PCDHGA8: variants seen among roughly 807,000 people sequenced by gnomAD.
PCDHGA8 encodes the protein protocadherin gamma subfamily A, 8.
A neutral mutation model predicts 59.2 loss-of-function variants in PCDHGA8; 45 were observed. The ratio of observed to expected loss-of-function variants is 0.76; its 90% CI spans 0.60 to 0.98. The LOEUF (loss-of-function observed/expected upper bound fraction) is 0.98, where lower values mean the gene tolerates loss of function less well. PCDHGA8 is among the 50% of genes least tolerant of loss of function. The pLI is 0.00. For missense variants in PCDHGA8, 1,257 were observed against 1,196.2 expected (o/e 1.05, Z -0.75); for synonymous variants, 531 against 519.0 (o/e 1.02, Z -0.32).
chr5:141,497,693 C>T (rs2099778709), intron 2 of PCDHGA8, among the ~76,000 whole-genome samples: 2 of 152,136 alleles, frequency 1.3e-5, no homozygotes, highest in Admixed American at 6.5e-5. Context: ...GTGTGCACCA[C>T]CACACCCAGC....
intron 1 of PCDHGA8, chr5:141,475,848 C>T (rs1562050268): frequency 4.4e-6 from 2 of 451,496 alleles, no homozygotes; most frequent in Non-Finnish European, 7.9e-6. Context: ...TCAGAGAGCC[C>T]GGCGCTAGCT....
chr5:141,422,853 C>T (rs746989617), intron 1 of PCDHGA8: 8 of 1,614,264 alleles, frequency 5.0e-6, no homozygotes, highest in South Asian at 3.3e-5. Flanking sequence ...GGGACCCGCC[C>T]CTCAGCAGCA....
At chr5:141,444,873 C>T (rs1298516499) in intron 1 of PCDHGA8, among the ~76,000 whole-genome samples, 1 of 152,080 alleles carries the variant, frequency 6.6e-6, no homozygotes, top group African/African-American at 2.4e-5. Flanking sequence ...CAGGACAAAG[C>T]TTGTAGGATT....
chr5:141,418,620 A>T lies in PCDHGA8; in HGVS notation c.2424+23383A>T, dbSNP rs762197476. 180 of 1,613,904 alleles carry T rather than the reference A, an allele frequency of 1.1e-4. No homozygotes were observed. The highest frequency in any genetic ancestry group is 1.5e-4 in the Non-Finnish European group (172 of 1,179,900). On this transcript the variant is annotated intron_variant, in intron 1 of 3. Coordinates refer to ENST00000398604, the MANE Select transcript of PCDHGA8 (RefSeq NM_032088.2). The stretch of plus-strand genomic sequence containing the variant: ...GTGTACAGGGTTAGCCTTCGGGAAG[A>T]CGTGCCTCCAGGCACCTCCATCCTG...
At chr5:141,446,502 A>G (rs1178198384) in intron 1 of PCDHGA8, among the ~76,000 whole-genome samples, 5 of 150,732 alleles carry the variant, frequency 3.3e-5, no homozygotes, top group Non-Finnish European at 7.4e-5. Context: ...TTTGAGATGG[A>G]GTCTCGCTCT....
intron 1 of PCDHGA8, chr5:141,408,389 G>T: frequency 6.2e-7 from 1 of 1,614,032 alleles, no homozygotes; most frequent in Non-Finnish European, 8.5e-7. Flanking sequence ...GGATGTGTCG[G>T]CTCGCAAGCT....
At position 141,476,669 on chromosome 5, in the gene PCDHGA8, C is replaced by G; in HGVS notation, c.2425-18138C>G. ...AAATGAATACTTTGCGCTTCGCGTGCAGACGCGGGAGGACAGCACCAAGTA... is the reference window on the plus strand; with the variant it reads ...AAATGAATACTTTGCGCTTCGCGTGGAGACGCGGGAGGACAGCACCAAGTA... On this transcript the variant is annotated intron_variant, in intron 1 of 3. Coordinates refer to ENST00000398604, the MANE Select transcript of PCDHGA8 (RefSeq NM_032088.2). This position sits in a 1 kb window ranked among gnomAD's most constrained non-coding sequence, Gnocchi z 7.6. 6.2e-7 allele frequency: 1 copy of G among 1,614,246 alleles called. No individual in the cohort carries two copies. The highest frequency in any genetic ancestry group is 1.1e-5 in the South Asian group (1 of 91,086).
intron 1 of PCDHGA8, among the ~76,000 whole-genome samples, chr5:141,488,463 C>T (rs926068842): frequency 6.6e-6 from 1 of 152,164 alleles, no homozygotes; most frequent in African/African-American, 2.4e-5. Flanking sequence ...GATTCAGCCC[C>T]AGAAATGTTC....
intron 1 of PCDHGA8, chr5:141,404,765 T>A: frequency 6.2e-7 from 1 of 1,613,120 alleles, no homozygotes; most frequent in Non-Finnish European, 8.5e-7. Context: ...TGCTTGGCTC[T>A]CCTACCGCCT....
intron 1 of PCDHGA8, chr5:141,408,100 G>A (rs1474827605): frequency 9.7e-6 from 14 of 1,438,178 alleles, no homozygotes; most frequent in African/African-American, 1.4e-5. Context: ...CCAGCTCCGA[G>A]ACCCGGGACT....
chr5:141,420,956 T>C lies in PCDHGA8; in HGVS notation c.2424+25719T>C, dbSNP rs17097281. 2.2e-3 allele frequency: 904 copies of C among 416,864 alleles called. 5 individuals carry two copies. The highest frequency in any genetic ancestry group is 0.016 in the African/African-American group (760 of 48,560). 25.8% of individuals were successfully genotyped at this position (416,864 alleles called of 1,614,324 possible). A position where few individuals can be genotyped will look rare whatever the true frequency, so the allele number is the denominator to read the frequency against. Reference sequence around the variant, plus strand: ...AATCATTTCTTCTGGAATTTCTTAGTCGTTGCAATAATAAGAATGGGCTCT... The same window carrying C: ...AATCATTTCTTCTGGAATTTCTTAGCCGTTGCAATAATAAGAATGGGCTCT... On this transcript the variant is annotated intron_variant, in intron 1 of 3. Coordinates refer to ENST00000398604, the MANE Select transcript of PCDHGA8 (RefSeq NM_032088.2).
At chr5:141,440,382 C>T (rs898655247) in intron 1 of PCDHGA8, 2 of 152,178 alleles carry the variant, frequency 1.3e-5, no homozygotes, top group Non-Finnish European at 2.9e-5. Context: ...AGGAGAATCG[C>T]TTGAACCCGA....
Position 141,393,628 on chromosome 5 carries a change from G to A in PCDHGA8, c.815G>A (p.Gly272Glu). 6.2e-7 allele frequency: 1 copy of A among 1,613,922 alleles called. No individual in the cohort carries two copies. The highest frequency in any genetic ancestry group is 1.3e-5 in the African/African-American group (1 of 75,052). The change falls in exon 1 of 4, where the codon GGA (glycine) becomes GAA (glutamate). Residue 272 changes from glycine to glutamate, a missense_variant. Coordinates refer to ENST00000398604, the MANE Select transcript of PCDHGA8 (RefSeq NM_032088.2). ...GTAACAGCCAGCGACCCGGATGAGG[G>A]AATCAACGGAAAAGTGGCATACAAA... ...LTVTASDPDE[G>E]INGKVAYKFR...
intron 1 of PCDHGA8, among the ~76,000 whole-genome samples, chr5:141,425,812 G>A (rs1472168775): frequency 6.6e-6 from 1 of 152,054 alleles, no homozygotes; most frequent in African/African-American, 2.4e-5. Context: ...CTTCTGCTTA[G>A]AAAAAAACAA....
At chr5:141,468,140 C>T (rs910524133) in intron 1 of PCDHGA8, among the ~76,000 whole-genome samples, 3 of 151,942 alleles carry the variant, frequency 2.0e-5, no homozygotes, top group African/African-American at 7.2e-5. Flanking sequence ...GCCTGGCCAA[C>T]ATGGTGAAAC....
At chr5:141,409,984 GGACGCC>G (rs2095344357) in intron 1 of PCDHGA8, 1 of 1,613,210 alleles carries the variant, frequency 6.2e-7, no homozygotes, top group Admixed American at 1.7e-5. Context: ...TGGTAGCGGT[GGACGCC>G]GACTCGGGAC....
rs200356364 is a variant in PCDHGA8, at chr5:141,470,128, C to CA, written c.2425-24670dup. On this transcript the variant is annotated intron_variant, in intron 1 of 3. Transcript: ENST00000398604. ...TGAGCAACAGAGCAAGACTTCGTCT[C>CA]AAAAAAAAAGATCATAGATCATCTT... 4.0e-3 allele frequency among the ~76,000 whole-genome samples: 596 copies of CA among 150,150 alleles called. 6 individuals are homozygous for CA. The highest frequency in any genetic ancestry group is 0.011 in the Admixed American group (171 of 15,136).
At chr5:141,399,148 C>T (rs2150776580) in intron 1 of PCDHGA8, 2 of 1,613,684 alleles carry the variant, frequency 1.2e-6, no homozygotes, top group Non-Finnish European at 1.7e-6. Context: ...TGACAATAGC[C>T]CAGAAGTTAC....
At chr5:141,440,912 G>A (rs1281398967) in intron 1 of PCDHGA8, 1 of 152,254 alleles carries the variant, frequency 6.6e-6, no homozygotes, top group African/African-American at 2.4e-5. Context: ...GGGCACTCCT[G>A]TGCTGAGAGT....
Sources: allele counts gnomAD v4.1 joint callset (sites outside exome capture counted in the v4.1 genomes callset), GRCh38; gene constraint gnomAD v4.1.1; non-coding constraint Gnocchi (gnomAD v3.1); transcripts MANE v1.5; gene names NCBI Gene and HGNC (gene_info 2026-07-23, HGNC 2026-07-21).